CDKN2B-AS1: variants seen among roughly 807,000 people sequenced by gnomAD.
CDKN2B-AS1 encodes CDKN2B antisense RNA 1 (non-protein coding).
chr9:22,005,094 G>A lies in CDKN2B-AS1; in HGVS notation n.29+9933G>A, dbSNP rs1267056396. On this transcript the variant is annotated intron_variant and non_coding_transcript_variant, in intron 1 of 4. Transcript: ENST00000650946. This position sits in a 1 kb window ranked among gnomAD's most constrained non-coding sequence, Gnocchi z 4.9. Reference sequence around the variant, plus strand: ...AATCAAAAAGTAGCAAGTCATAAGGGGATTTCCGCATCCTAGCATGTGTGT... The same window carrying A: ...AATCAAAAAGTAGCAAGTCATAAGGAGATTTCCGCATCCTAGCATGTGTGT... 8.7e-6 allele frequency: 2 copies of A among 229,444 alleles called. No homozygotes were observed. Among genetic ancestry groups the A allele is most frequent in the African/African-American group, 4.6e-5 (2 of 43,852 alleles). The allele number at this position is 229,444 out of a possible 1,614,324, so 14.2% of individuals were successfully genotyped here.
intron 1 of CDKN2B-AS1, among the ~76,000 whole-genome samples, chr9:22,017,131 A>T (rs1821801559): frequency 6.6e-6 from 1 of 152,200 alleles, no homozygotes; most frequent in South Asian, 2.1e-4. Flanking sequence ...AATGGCATTT[A>T]AAATAAGGAA....
intron 4 of CDKN2B-AS1, among the ~76,000 whole-genome samples, chr9:22,085,720 CAAAAAAA>C (rs5896963): frequency 1.7e-5 from 2 of 117,902 alleles, no homozygotes; most frequent in Admixed American, 8.7e-5. Context: ...GACTCCGTCT[CAAAAAAA>C]AAAAAAAAAA....
At chr9:22,101,996 A>G (rs1053259001) in intron 4 of CDKN2B-AS1, among the ~76,000 whole-genome samples, 7 of 152,172 alleles carry the variant, frequency 4.6e-5, no homozygotes, top group African/African-American at 7.2e-5. Context: ...CCAACTGCCT[A>G]TGGTCATAAC....
At position 22,032,155 on chromosome 9, in the gene CDKN2B-AS1, G is replaced by C. The variant is rs543338149; in HGVS notation, n.30-14596G>C. ...GTTTTAAGCTATGAGGTTTTTTTTG[G>C]GGGGAGAATGGTCATTTGTGATTCA... On this transcript the variant is annotated intron_variant and non_coding_transcript_variant, in intron 1 of 4. Coordinates refer to ENST00000650946, the Ensembl canonical transcript of CDKN2B-AS1. Among the ~76,000 whole-genome samples, 3 of 152,062 alleles carry C rather than the reference G, an allele frequency of 2.0e-5. No individual in the cohort carries two copies. In the South Asian group the frequency reaches 6.2e-4, roughly 32 times the overall value.
chr9:22,066,730 G>A (rs1222510843), intron 4 of CDKN2B-AS1, among the ~76,000 whole-genome samples: 3 of 151,800 alleles, frequency 2.0e-5, no homozygotes, highest in East Asian at 2.0e-4. Flanking sequence ...AGTTACCATC[G>A]GGTCTTAGAA....
intron 4 of CDKN2B-AS1, chr9:22,092,515 T>C (rs1444315290): frequency 3.3e-5 from 5 of 152,210 alleles, no homozygotes; most frequent in African/African-American, 1.2e-4. Context: ...GTTATTGCTT[T>C]ATTCAGAGAT....
intron 4 of CDKN2B-AS1, among the ~76,000 whole-genome samples, chr9:22,081,711 T>C (rs977828108): frequency 2.6e-5 from 4 of 152,196 alleles, no homozygotes. Context: ...AGTTGTGTAA[T>C]CTTGAAAAAA....
intron 1 of CDKN2B-AS1, among the ~76,000 whole-genome samples, chr9:22,015,181 C>A (rs955788033): frequency 2.0e-5 from 3 of 152,126 alleles, no homozygotes; most frequent in Admixed American, 2.0e-4. Context: ...TGAGAAATCG[C>A]CACACTGACT....
chr9:22,127,431 A>G (rs1818035262), exon 5 of CDKN2B-AS1, among the ~76,000 whole-genome samples: 1 of 152,226 alleles, frequency 6.6e-6, no homozygotes, highest in South Asian at 2.1e-4. Flanking sequence ...ACTGCCTCTT[A>G]GTAATTTTTG....
chr9:22,082,181 ATT>A (rs1483684603), intron 4 of CDKN2B-AS1, among the ~76,000 whole-genome samples: 1 of 152,150 alleles, frequency 6.6e-6, no homozygotes, highest in East Asian at 1.9e-4. Context: ...GATTTTTATA[ATT>A]TTGGGCCTGT....
rs1459880848 is a variant in CDKN2B-AS1 at position 21,996,822 on chromosome 9, G to A, written n.29+1661G>A. Among the ~76,000 whole-genome samples, 1 of 152,204 alleles carries A rather than the reference G, an allele frequency of 6.6e-6. No individual in the cohort carries two copies. The highest frequency in any genetic ancestry group is 1.5e-5 in the Non-Finnish European group (1 of 68,044). On this transcript the variant is annotated intron_variant and non_coding_transcript_variant, in intron 1 of 4. Coordinates refer to ENST00000650946, the Ensembl canonical transcript of CDKN2B-AS1. The surrounding 1 kb of genome is among the most constrained non-coding windows in gnomAD (Gnocchi z 5.4). Reference sequence around the variant, plus strand: ...ATAGTGTCATTTAAAGATACTGGAGGAATGGAGTGGGAGCGGTGAGGGTTT... The same window carrying A: ...ATAGTGTCATTTAAAGATACTGGAGAAATGGAGTGGGAGCGGTGAGGGTTT...
chr9:22,045,252 A>G (rs547969650), intron 1 of CDKN2B-AS1, among the ~76,000 whole-genome samples: 2 of 152,110 alleles, frequency 1.3e-5, no homozygotes, highest in East Asian at 3.9e-4. Flanking sequence ...AGTGTTTATT[A>G]TATATTAGAC....
chr9:22,111,213 A>G (rs1825797212), intron 4 of CDKN2B-AS1, among the ~76,000 whole-genome samples: 1 of 152,138 alleles, frequency 6.6e-6, no homozygotes, highest in Admixed American at 6.5e-5. Context: ...AAGATGCACT[A>G]CAAAACTGAG....
chr9:22,066,569 A>C (rs1331366982), intron 4 of CDKN2B-AS1, among the ~76,000 whole-genome samples: 1 of 152,010 alleles, frequency 6.6e-6, no homozygotes, highest in African/African-American at 2.4e-5. Context: ...TCTAAGACCC[A>C]ATGGTAACTC....
At chr9:22,008,939 G>A in intron 1 of CDKN2B-AS1, 1 of 1,613,014 alleles carries the variant, frequency 6.2e-7, no homozygotes, top group Non-Finnish European at 8.5e-7. Flanking sequence ...GCATGCCCTT[G>A]TTCTCCTCGC....
chr9:22,011,222 G>C (rs988702810), intron 1 of CDKN2B-AS1, among the ~76,000 whole-genome samples: 7 of 152,186 alleles, frequency 4.6e-5, no homozygotes, highest in Non-Finnish European at 8.8e-5. Flanking sequence ...AAATAGAAAG[G>C]ACATTATGGA....
chr9:22,091,535 T>C (rs1377374173), intron 4 of CDKN2B-AS1, among the ~76,000 whole-genome samples: 1 of 152,184 alleles, frequency 6.6e-6, no homozygotes, highest in Non-Finnish European at 1.5e-5. Flanking sequence ...CTTGAAGAGG[T>C]CCTTCACATC....
intron 4 of CDKN2B-AS1, among the ~76,000 whole-genome samples, chr9:22,067,058 C>G (rs1463475014): frequency 6.6e-6 from 1 of 151,966 alleles, no homozygotes; most frequent in African/African-American, 2.4e-5. Context: ...ACACCAGGGC[C>G]TGTTGTGGGG....
intron 4 of CDKN2B-AS1, among the ~76,000 whole-genome samples, chr9:22,103,131 ATGTGTGTGTGTGTGTGTGTGTGTGTG>A (rs3221506): frequency 7.6e-6 from 1 of 132,410 alleles, no homozygotes; most frequent in Non-Finnish European, 1.6e-5. Context: ...TCTAGAACAG[ATGTGTGTGTGTGTGTGTGTGTGTGTG>A]TGTGTGTGTG....
Sources: gnomAD v4.1 joint callset for allele counts (sites outside exome capture counted in the v4.1 genomes callset) on GRCh38, gnomAD v4.1.1 for gene constraint, Gnocchi (gnomAD v3.1) non-coding constraint, MANE v1.5 for transcripts, NCBI Gene and HGNC (gene_info 2026-07-23, HGNC 2026-07-21) for gene names.